Variants in TTC28 observed in about 807,000 individuals in gnomAD.
The protein encoded by TTC28 is tetratricopeptide repeat domain 28.
A neutral mutation model predicts 198.0 loss-of-function variants in TTC28; 61 were observed. The observed-to-expected ratio is 0.31, with a 90% CI of 0.25 to 0.38. TTC28 has a LOEUF of 0.38. TTC28 is among the 10% of genes least tolerant of loss of function. The pLI, the probability that TTC28 is intolerant of heterozygous loss-of-function variation, is 1.00. For missense variants in TTC28, 2,678 were observed against 3,164.0 expected, an observed-to-expected ratio of 0.85 and a Z score of 3.69; for synonymous variants, 1,171 against 1,297.8, an observed-to-expected ratio of 0.90 and a Z score of 2.10.
At chr22:28,486,405 A>C (rs535175551) in intron 2 of TTC28, among the ~76,000 whole-genome samples, 224 of 152,288 alleles carry the variant, frequency 1.5e-3, no homozygotes, top group Non-Finnish European at 2.6e-3. Context: ...TCATTTGCCA[A>C]GTGTCCCAAG....
At chr22:28,470,888 C>T (rs962599425) in intron 2 of TTC28, among the ~76,000 whole-genome samples, 7 of 152,092 alleles carry the variant, frequency 4.6e-5, no homozygotes, top group Non-Finnish European at 1.0e-4. Context: ...GGAGATGACT[C>T]GAAATGTGGA....
At chr22:28,360,432 C>G (rs953637241) in intron 2 of TTC28, among the ~76,000 whole-genome samples, 1 of 152,184 alleles carries the variant, frequency 6.6e-6, no homozygotes, top group Non-Finnish European at 1.5e-5. Context: ...ATTATTTTTA[C>G]ACAAATTTAA....
intron 2 of TTC28, among the ~76,000 whole-genome samples, chr22:28,431,403 T>C (rs977155503): frequency 2.6e-5 from 4 of 152,210 alleles, no homozygotes; most frequent in Non-Finnish European, 5.9e-5. Flanking sequence ...TCTGGTTTTA[T>C]TTAACAAAAA....
At chr22:28,104,030 G>A (rs1942228967) in intron 8 of TTC28, among the ~76,000 whole-genome samples, 1 of 152,214 alleles carries the variant, frequency 6.6e-6, no homozygotes, top group South Asian at 2.1e-4. Context: ...CAGACTCTCT[G>A]TAACCTCTCA....
chr22:28,371,993 G>A (rs1026044358), intron 2 of TTC28, among the ~76,000 whole-genome samples: 12 of 151,952 alleles, frequency 7.9e-5, no homozygotes, highest in Non-Finnish European at 1.5e-4. Context: ...GGAGGCTAAG[G>A]TGGGAGGATT....
intron 2 of TTC28, among the ~76,000 whole-genome samples, chr22:28,501,921 A>T (rs2048543320): frequency 6.6e-6 from 1 of 152,124 alleles, no homozygotes; most frequent in African/African-American, 2.4e-5. Flanking sequence ...GAATTTTTTT[A>T]AATGCCATTA....
intron 2 of TTC28, among the ~76,000 whole-genome samples, chr22:28,492,473 G>A (rs2048393348): frequency 1.3e-5 from 2 of 151,856 alleles, no homozygotes; most frequent in African/African-American, 4.8e-5. Context: ...AAAATAAAAT[G>A]AGATATTTTA....
chr22:28,148,156 G>C (rs954362196), intron 6 of TTC28, among the ~76,000 whole-genome samples: 2 of 152,156 alleles, frequency 1.3e-5, no homozygotes, highest in Non-Finnish European at 2.9e-5. Context: ...TTTAGCTATA[G>C]GGCAAAGGAC....
chr22:28,583,408 C>T (rs2050260155), intron 2 of TTC28, among the ~76,000 whole-genome samples: 1 of 152,000 alleles, frequency 6.6e-6, no homozygotes, highest in Non-Finnish European at 1.5e-5. Flanking sequence ...GTTAAAATGC[C>T]GGATAAAAAG....
intron 3 of TTC28, among the ~76,000 whole-genome samples, chr22:28,303,592 A>G (rs1459285036): frequency 2.0e-5 from 3 of 152,184 alleles, no homozygotes; most frequent in South Asian, 4.1e-4. Context: ...ATATGGGAGA[A>G]AGGGTATATT....
chr22:28,604,077 A>C (rs1402961571), intron 2 of TTC28, among the ~76,000 whole-genome samples: 1 of 151,898 alleles, frequency 6.6e-6, no homozygotes, highest in Admixed American at 6.6e-5. Context: ...CACGAGATCA[A>C]GACCAGCCTG....
intron 2 of TTC28, among the ~76,000 whole-genome samples, chr22:28,420,851 T>C (rs1396416677): frequency 6.6e-6 from 1 of 152,170 alleles, no homozygotes; most frequent in Non-Finnish European, 1.5e-5. Context: ...TCCGCCTGCC[T>C]TGGCCTCCAA....
intron 5 of TTC28, among the ~76,000 whole-genome samples, chr22:28,245,763 A>C (rs546345428): frequency 6.6e-6 from 1 of 152,278 alleles, no homozygotes; most frequent in East Asian, 1.9e-4. Flanking sequence ...ACTACAGACA[A>C]ATTAACATTT....
intron 6 of TTC28, among the ~76,000 whole-genome samples, chr22:28,111,557 C>T (rs1217308425): frequency 6.6e-6 from 1 of 151,912 alleles, no homozygotes; most frequent in Non-Finnish European, 1.5e-5. Context: ...TCCCTCTCTC[C>T]TCATTTACTC....
intron 2 of TTC28, among the ~76,000 whole-genome samples, chr22:28,521,630 A>G (rs1440254428): frequency 6.6e-6 from 1 of 152,194 alleles, no homozygotes; most frequent in Non-Finnish European, 1.5e-5. Context: ...TGGAAAACAT[A>G]AAACAAGCAG....
intron 2 of TTC28, among the ~76,000 whole-genome samples, chr22:28,594,670 A>T (rs1223196073): frequency 2.0e-5 from 3 of 152,174 alleles, no homozygotes; most frequent in African/African-American, 7.2e-5. Flanking sequence ...TGTGTATAAC[A>T]ATCCCTAGAT....
chr22:28,020,859 C>T (rs1225286006), intron 13 of TTC28, among the ~76,000 whole-genome samples: 8 of 152,100 alleles, frequency 5.3e-5, no homozygotes, highest in African/African-American at 2.4e-5. Context: ...GTGAAATGCA[C>T]GCACCCACTC....
intron 2 of TTC28, among the ~76,000 whole-genome samples, chr22:28,382,775 G>A (rs779388033): frequency 6.6e-6 from 1 of 151,936 alleles, no homozygotes; most frequent in African/African-American, 2.4e-5. Flanking sequence ...AGATAAAGAG[G>A]GACATTTACA....
chr22:28,531,089 C>T (rs2049126647), intron 2 of TTC28, among the ~76,000 whole-genome samples: 1 of 152,088 alleles, frequency 6.6e-6, no homozygotes, highest in Non-Finnish European at 1.5e-5. Context: ...GGACTAAATG[C>T]TCCAATTAAA....
Sources: gnomAD v4.1 joint callset for allele counts (sites outside exome capture counted in the v4.1 genomes callset) on GRCh38, gnomAD v4.1.1 for gene constraint, MANE v1.5 for transcripts, NCBI Gene and HGNC (gene_info 2026-07-23, HGNC 2026-07-21) for gene names.